Variants in MLXIPL observed in about 807,000 individuals in gnomAD.
MLXIPL encodes MLX interacting protein like.
A neutral mutation model predicts 81.5 loss-of-function variants in MLXIPL; 49 were observed. The ratio of observed to expected loss-of-function variants is 0.60; its 90% CI spans 0.48 to 0.76. MLXIPL has a LOEUF of 0.76. Ranked by LOEUF, MLXIPL falls within the 30% of genes least tolerant of loss-of-function variation. MLXIPL has a pLI of 0.00. For synonymous variants in MLXIPL, 466 were observed against 485.5 expected, an observed-to-expected ratio of 0.96 and a Z score of 0.53; for missense variants, 1,053 against 1,167.0, an observed-to-expected ratio of 0.90 and a Z score of 1.42.
intron 16 of MLXIPL, 116 bp from the exon 17 acceptor site, chr7:73,594,099 C>G: frequency 1.5e-6 from 2 of 1,379,034 alleles, no homozygotes; most frequent in Non-Finnish European, 2.0e-6. Context: ...TCACCCCCTC[C>G]TAGAACCTCT....
chr7:73,617,225 C>T (rs1377658047), intron 1 of MLXIPL, among the ~76,000 whole-genome samples: 1 of 151,962 alleles, frequency 6.6e-6, no homozygotes, highest in East Asian at 2.0e-4. Flanking sequence ...CACCATGTTG[C>T]CCAGGCTGGT....
the MLXIPL span, among the ~76,000 whole-genome samples, chr7:73,641,542 G>A: frequency 7.2e-5 from 11 of 152,050 alleles, no homozygotes; most frequent in African/African-American, 9.7e-5. Context: ...GATAGCCACC[G>A]TATACCAGCA....
chr7:73,608,703 T>TTG (rs1795490249), intron 2 of MLXIPL, among the ~76,000 whole-genome samples: 2 of 152,138 alleles, frequency 1.3e-5, no homozygotes, highest in Admixed American at 6.6e-5. Flanking sequence ...AGAACCACCC[T>TTG]TGGTTCACTT....
At chr7:73,614,805 T>G (rs989933081) in intron 2 of MLXIPL, among the ~76,000 whole-genome samples, 1 of 137,818 alleles carries the variant, frequency 7.3e-6, no homozygotes, top group South Asian at 2.4e-4. Flanking sequence ...TTTTTTGTTT[T>G]GCCCTTTTTT....
chr7:73,606,858 C>T, intron 5 of MLXIPL, 116 bp downstream of exon 5: 3 of 1,149,168 alleles, frequency 2.6e-6, no homozygotes, highest in African/African-American at 1.5e-5. Flanking sequence ...ATCCCACATT[C>T]CACCCTCATG....
At chr7:73,636,750 A>C in the MLXIPL span, among the ~76,000 whole-genome samples, 18 of 151,856 alleles carry the variant, frequency 1.2e-4, no homozygotes, top group Admixed American at 6.6e-5. Flanking sequence ...GAGTGTCTAG[A>C]AGCACTTATA....
At chr7:73,637,059 C>CAAAA in the MLXIPL span, among the ~76,000 whole-genome samples, 5 of 119,628 alleles carry the variant, frequency 4.2e-5, no homozygotes, top group African/African-American at 6.2e-5. Context: ...GATTCCATCT[C>CAAAA]AAAAAAAAAA....
In MLXIPL at chr7:73,623,017, ATTTGAAC is replaced by A. The variant is rs1215735208; in HGVS notation, c.293+1176_293+1182del. Among the ~76,000 whole-genome samples the A allele has an allele frequency of 6.6e-6, 1 of 152,038 alleles. No individual in the cohort carries two copies. Among genetic ancestry groups the A allele is most frequent in the Admixed American group, 6.6e-5 (1 of 15,254 alleles). ...GGGGAGGGAGGGAGAAGGGACGGGA[ATTTGAAC>A]TTTCCACACGGGTCCGACGCCCTGG... On this transcript the variant is annotated intron_variant, in intron 1 of 16. Transcript: ENST00000313375. This position sits in a 1 kb window ranked among gnomAD's most constrained non-coding sequence, Gnocchi z 5.7.
intron 2 of MLXIPL, among the ~76,000 whole-genome samples, chr7:73,612,183 T>C (rs1554599865): frequency 6.6e-6 from 1 of 151,384 alleles, no homozygotes; most frequent in Non-Finnish European, 1.5e-5. Context: ...AAATAAAAAA[T>C]AGCTGGGTGT....
chr7:73,639,024 G>A, the MLXIPL span, among the ~76,000 whole-genome samples: 2 of 152,096 alleles, frequency 1.3e-5, no homozygotes, highest in Non-Finnish European at 2.9e-5. Context: ...AGAGAGGAGA[G>A]GGAAGACTTT....
At position 73,606,120 on chromosome 7, in the gene MLXIPL, A is replaced by T; in HGVS notation, c.619-9T>A. On this transcript the variant is annotated splice_polypyrimidine_tract_variant and intron_variant, in intron 5 of 16. Transcript: ENST00000313375. The stretch of plus-strand genomic sequence containing the variant: ...GGCCACCTGCCTTCCGCCTAGGGAG[A>T]CAGAGCCGTCAGCAGCCGCTAGAGA... 6.4e-7 allele frequency: 1 copy of T among 1,566,510 alleles called. No homozygotes were observed. Among genetic ancestry groups the T allele is most frequent in the Non-Finnish European group, 8.7e-7 (1 of 1,155,772 alleles).
intron 1 of MLXIPL, among the ~76,000 whole-genome samples, chr7:73,618,949 C>T (rs1796155700): frequency 6.6e-6 from 1 of 152,164 alleles, no homozygotes; most frequent in South Asian, 2.1e-4. Flanking sequence ...TGACAATATC[C>T]AAGCCCAGGA....
chr7:73,637,637 T>C, the MLXIPL span, among the ~76,000 whole-genome samples: 2 of 150,794 alleles, frequency 1.3e-5, no homozygotes, highest in East Asian at 2.0e-4. Flanking sequence ...CATTGCCCCG[T>C]TGTATAGGAT....
intron 2 of MLXIPL, among the ~76,000 whole-genome samples, chr7:73,608,008 G>C (rs543469557): frequency 1.3e-5 from 2 of 151,420 alleles, no homozygotes; most frequent in Non-Finnish European, 2.9e-5. Context: ...AGGCGCCCAC[G>C]ACCAGGCCCA....
Position 73,597,413 on chromosome 7 carries a change from T to C in MLXIPL, c.1372A>G (p.Thr458Ala). The change falls in exon 9 of 17, where the codon ACC becomes GCC. Residue 458 changes from threonine to alanine, a missense_variant. This residue lies in a region of MLXIPL where 823 missense variants were observed against 933.0 expected (regional missense o/e 0.88). Transcript: ENST00000313375. Reference protein sequence around the residue: ...PLPAPAAFPPTPQSVPSPAPT... With the variant: ...PLPAPAAFPPAPQSVPSPAPT... The stretch of plus-strand genomic sequence containing the variant: ...GCTGGGCTGGGGACAGACTGTGGGG[T>C]GGGTGGGAAGGCTGCAGGAGCAGGC... 1.2e-5 allele frequency: 2 copies of C among 166,384 alleles called. No individual in the cohort carries two copies. Among genetic ancestry groups the C allele is most frequent in the Non-Finnish European group, 1.6e-5 (2 of 124,348 alleles). 10.3% of individuals were successfully genotyped at this position (166,384 alleles called of 1,614,324 possible).
chr7:73,639,430 T>G, the MLXIPL span, among the ~76,000 whole-genome samples: 5 of 152,176 alleles, frequency 3.3e-5, no homozygotes, highest in African/African-American at 1.2e-4. Flanking sequence ...GTTGGATACA[T>G]TTTGATAAAT....
the MLXIPL span, among the ~76,000 whole-genome samples, chr7:73,638,728 T>C: frequency 2.0e-5 from 3 of 152,136 alleles, no homozygotes; most frequent in Non-Finnish European, 2.9e-5. Context: ...GTTCAAGCGA[T>C]TCTCCTGCCT....
At chr7:73,641,542 G>C in the MLXIPL span, among the ~76,000 whole-genome samples, 520 of 152,166 alleles carry the variant, frequency 3.4e-3, 4 homozygotes, top group Non-Finnish European at 5.9e-3. Flanking sequence ...GATAGCCACC[G>C]TATACCAGCA....
At chr7:73,622,509 T>C (rs1303193383) in intron 1 of MLXIPL, among the ~76,000 whole-genome samples, 1 of 151,772 alleles carries the variant, frequency 6.6e-6, no homozygotes, top group East Asian at 1.9e-4. Flanking sequence ...AAAAAATTTT[T>C]TTTTTTTTGG....
Sources: gnomAD v4.1 joint callset for allele counts (sites outside exome capture counted in the v4.1 genomes callset) on GRCh38, gnomAD v4.1.1 for gene constraint, gnomAD v4.1.1 regional missense constraint, Gnocchi (gnomAD v3.1) non-coding constraint, MANE v1.5 for transcripts, NCBI Gene and HGNC (gene_info 2026-07-23, HGNC 2026-07-21) for gene names.